PSD3: variants seen among roughly 807,000 people sequenced by gnomAD.
PSD3 encodes the protein PH and SEC7 domain-containing protein 3.
In PSD3, 49 loss-of-function variants were observed where a neutral mutation model predicts 105.5. The observed-to-expected ratio is 0.46, with a 90% CI of 0.37 to 0.59. PSD3 has a LOEUF of 0.59. Ranked by LOEUF, PSD3 falls within the 20% of genes least tolerant of loss-of-function variation. PSD3 has a pLI of 0.00. For synonymous variants in PSD3, 557 were observed against 457.8 expected (o/e 1.22, Z -2.77); for missense variants, 1,561 against 1,263.8 (o/e 1.24, Z -3.57).
chr8:18,987,288 T>C (rs1165962547), intron 1 of PSD3, among the ~76,000 whole-genome samples: 1 of 150,808 alleles, frequency 6.6e-6, no homozygotes, highest in Non-Finnish European at 1.5e-5. Flanking sequence ...TTATTTTTTT[T>C]TTTATATATA....
Position 18,804,756 on chromosome 8 carries a change from A to G in PSD3, c.1777T>C (p.Tyr593His). The change falls in exon 5 of 16, where the codon TAT (tyrosine) becomes CAT (histidine). Residue 593 changes from tyrosine to histidine, a missense_variant. Transcript: ENST00000327040. ...GATCTTTTGAATCTGTCCAGCTGAT[A>G]AAGGCGTTTGGCCAACCTTTTGGCT... ...EAAKRLAKRL[Y>H]QLDRFKRSDV... is the part of the protein sequence containing the mutation. 1 of 1,614,180 alleles carries G rather than the reference A, an allele frequency of 6.2e-7. No homozygotes were observed. The highest frequency in any genetic ancestry group is 8.5e-7 in the Non-Finnish European group (1 of 1,180,004).
At chr8:19,036,774 A>G (rs1472032977) in intron 1 of PSD3, among the ~76,000 whole-genome samples, 1 of 152,212 alleles carries the variant, frequency 6.6e-6, no homozygotes, top group Non-Finnish European at 1.5e-5. Flanking sequence ...ATTGCCAGTC[A>G]TTGAAATGTC....
chr8:18,894,048 T>A (rs771377732), intron 2 of PSD3, among the ~76,000 whole-genome samples: 3 of 152,194 alleles, frequency 2.0e-5, no homozygotes, highest in Non-Finnish European at 4.4e-5. Context: ...TCAATATATA[T>A]AAATTGCTTA....
intron 8 of PSD3, among the ~76,000 whole-genome samples, chr8:18,792,277 G>A (rs936118923): frequency 6.6e-6 from 1 of 152,144 alleles, no homozygotes; most frequent in Non-Finnish European, 1.5e-5. Context: ...TATGTTAATT[G>A]CAGCACTATT....
intron 9 of PSD3, among the ~76,000 whole-genome samples, chr8:18,764,075 T>C (rs1306471603): frequency 8.5e-5 from 13 of 152,126 alleles, no homozygotes; most frequent in Admixed American, 8.5e-4. Flanking sequence ...CCAAACATGC[T>C]CTAAATTAGC....
intron 11 of PSD3, among the ~76,000 whole-genome samples, chr8:18,609,273 C>A (rs763596046): frequency 5.9e-5 from 9 of 152,098 alleles, no homozygotes; most frequent in Non-Finnish European, 1.0e-4. Flanking sequence ...GGCGTGAAGG[C>A]CGACAATGCA....
Position 18,684,027 on chromosome 8 carries a change from T to C in PSD3, c.2173-28342A>G, listed in dbSNP as rs1032580905. The C allele has an allele frequency of 7.4e-5, 49 of 664,334 alleles. No individual in the cohort carries two copies. In the Admixed American group the frequency reaches 7.8e-4, roughly 11 times the overall value. 41.2% of individuals were successfully genotyped at this position (664,334 alleles called of 1,614,324 possible). On this transcript the variant is annotated intron_variant, in intron 9 of 15. Coordinates refer to ENST00000327040, the MANE Select transcript of PSD3 (RefSeq NM_015310.4). ...ACGCTGGAGGAACTCTGCGGGGTTGTGCCTGAGCAGCTCCTGAGCGCCGTG... is the reference window on the plus strand; with the variant it reads ...ACGCTGGAGGAACTCTGCGGGGTTGCGCCTGAGCAGCTCCTGAGCGCCGTG...
intron 2 of PSD3, among the ~76,000 whole-genome samples, chr8:18,873,071 A>C (rs17127379): frequency 0.12 from 17,763 of 152,258 alleles, 1,269 homozygotes; most frequent in Admixed American, 0.23. Context: ...ATATGTACCA[A>C]CTTCCAAATA....
At chr8:18,996,449 A>G (rs1042682414) in intron 1 of PSD3, among the ~76,000 whole-genome samples, 2 of 151,964 alleles carry the variant, frequency 1.3e-5, no homozygotes, top group East Asian at 1.9e-4. Context: ...CAAAAGAAAC[A>G]GTTTTGATTT....
chr8:18,882,539 G>T (rs1216028114), intron 2 of PSD3, among the ~76,000 whole-genome samples: 1 of 152,096 alleles, frequency 6.6e-6, no homozygotes, highest in African/African-American at 2.4e-5. Flanking sequence ...CGCAAACAAA[G>T]TTCAGGCAGT....
chr8:18,594,731 G>C lies in PSD3; in HGVS notation c.2481+5633C>G, dbSNP rs11995859. Reference sequence around the variant, plus strand: ...ACTTACATAACATGACACAGTATTTGCATATATCATATGTATATCCTTCTG... The same window carrying C: ...ACTTACATAACATGACACAGTATTTCCATATATCATATGTATATCCTTCTG... On this transcript the variant is annotated intron_variant, in intron 12 of 15. Coordinates refer to ENST00000327040, the MANE Select transcript of PSD3 (RefSeq NM_015310.4). Among the ~76,000 whole-genome samples, 589 of 151,826 alleles carry C rather than the reference G, an allele frequency of 3.9e-3. 6 individuals carry two copies. Among genetic ancestry groups the C allele is most frequent in the African/African-American group, 0.013 (558 of 41,418 alleles).
chr8:18,569,492 C>A (rs1452539238), intron 14 of PSD3, among the ~76,000 whole-genome samples: 1 of 148,920 alleles, frequency 6.7e-6, no homozygotes, highest in African/African-American at 2.5e-5. Flanking sequence ...CATGAGTGAA[C>A]TCCCATTCAC....
intron 1 of PSD3, among the ~76,000 whole-genome samples, chr8:18,948,076 TG>T (rs1822979227): frequency 2.0e-5 from 3 of 152,146 alleles, no homozygotes; most frequent in Non-Finnish European, 4.4e-5. Flanking sequence ...TAATCAGTAA[TG>T]ACAGACTGAG....
intron 1 of PSD3, among the ~76,000 whole-genome samples, chr8:19,049,225 A>C (rs1169163970): frequency 6.6e-6 from 1 of 152,238 alleles, no homozygotes; most frequent in Non-Finnish European, 1.5e-5. Flanking sequence ...AAGTCATCCC[A>C]TAATAGGCTC....
At chr8:18,865,956 C>T (rs56117127) in intron 4 of PSD3, among the ~76,000 whole-genome samples, 15,788 of 152,208 alleles carry the variant, frequency 0.1, 1,017 homozygotes, top group African/African-American at 0.17. Flanking sequence ...GTGCACAAGC[C>T]GCACATTTAA....
At chr8:18,840,083 T>C (rs935585014) in intron 4 of PSD3, among the ~76,000 whole-genome samples, 8 of 152,232 alleles carry the variant, frequency 5.3e-5, no homozygotes, top group African/African-American at 1.9e-4. Flanking sequence ...AGAATCCTAA[T>C]GCTGATCCTG....
chr8:18,872,166 A>T lies in PSD3; in HGVS notation c.698T>A (p.Met233Lys), dbSNP rs1586287787. The T allele has an allele frequency of 1.9e-6, 3 of 1,614,006 alleles. No individual in the cohort carries two copies. The highest frequency in any genetic ancestry group is 1.6e-4 in the Middle Eastern group (1 of 6,084). ...GDTQAEISQI[M>K]NNGRKGAVCV... ...GACAGCCCCTTTCCTCCCATTATTC[A>T]TTATCTGGGAAATCTCTGCCTGAGT... is the stretch of plus-strand genomic sequence containing the variant. The change falls in exon 3 of 16, where the codon ATG (methionine) becomes AAG (lysine). Residue 233 changes from methionine (M) to lysine (K), a missense_variant. Physicochemically the swap from Met to Lys is moderately conservative, Grantham distance 95 (BLOSUM62 -1). Coordinates refer to ENST00000327040, the MANE Select transcript of PSD3 (RefSeq NM_015310.4).
chr8:19,067,184 T>G (rs1438870779), intron 1 of PSD3, among the ~76,000 whole-genome samples: 1 of 152,196 alleles, frequency 6.6e-6, no homozygotes, highest in African/African-American at 2.4e-5. Flanking sequence ...GTGCTGTGCC[T>G]TCGTTTGTGA....
chr8:18,568,706 CTT>C (rs10592904), intron 14 of PSD3, among the ~76,000 whole-genome samples: 68,139 of 150,492 alleles, frequency 0.45, 15,958 homozygotes, highest in South Asian at 0.6. Flanking sequence ...CCTTCTTCTT[CTT>C]TTTTTTTTTT....
Sources: allele counts gnomAD v4.1 joint callset (sites outside exome capture counted in the v4.1 genomes callset), GRCh38; gene constraint gnomAD v4.1.1; transcripts MANE v1.5; gene names NCBI Gene and HGNC (gene_info 2026-07-23, HGNC 2026-07-21).